ADAMTS18: variants seen among roughly 807,000 people sequenced by gnomAD.
The protein encoded by ADAMTS18 is ADAM metallopeptidase with thrombospondin type 1 motif 18, also known as A disintegrin and metalloproteinase with thrombospondin motifs 18.
In ADAMTS18, 157 loss-of-function variants were observed where a neutral mutation model predicts 165.9. The ratio of observed to expected loss-of-function variants is 0.95; its 90% confidence interval spans 0.83 to 1.08. The LOEUF (loss-of-function observed/expected upper bound fraction) is 1.08. Ranked by LOEUF, ADAMTS18 falls within the 50% of genes least tolerant of loss-of-function variation. ADAMTS18 has a pLI of 0.00. For missense variants in ADAMTS18, 2,040 were observed against 1,534.0 expected, an observed-to-expected ratio of 1.33 and a Z score of -5.51; for synonymous variants, 782 against 578.2, an observed-to-expected ratio of 1.35 and a Z score of -5.06.
chr16:77,347,935 C>G (rs1403106412), intron 10 of ADAMTS18, among the ~76,000 whole-genome samples: 1 of 151,954 alleles, frequency 6.6e-6, no homozygotes, highest in Non-Finnish European at 1.5e-5. Context: ...ATAGCACATC[C>G]CCCAAAGATA....
At chr16:77,317,686 C>T (rs2055912451) in intron 16 of ADAMTS18, among the ~76,000 whole-genome samples, 2 of 152,286 alleles carry the variant, frequency 1.3e-5, no homozygotes, top group Non-Finnish European at 2.9e-5. Context: ...CATCTAATTT[C>T]ACCCACCATA....
chr16:77,302,848 T>G (rs190123126), intron 16 of ADAMTS18, among the ~76,000 whole-genome samples: 3 of 152,276 alleles, frequency 2.0e-5, no homozygotes, highest in Admixed American at 2.0e-4. Context: ...CATTTTTAAA[T>G]GTTGCTGTGA....
chr16:77,423,890 G>C (rs2057636575), intron 3 of ADAMTS18, among the ~76,000 whole-genome samples: 1 of 152,146 alleles, frequency 6.6e-6, no homozygotes. Context: ...AGACAGGGAT[G>C]GTAGCTGGTA....
chr16:77,297,161 A>G (rs905105649), intron 18 of ADAMTS18, 128 bp downstream of exon 18: 50 of 1,367,032 alleles, frequency 3.7e-5, no homozygotes, highest in Non-Finnish European at 5.0e-5. Context: ...ATTACTTTTT[A>G]AAGTATTGCG....
At chr16:77,342,866 C>A (rs2056419750) in intron 10 of ADAMTS18, among the ~76,000 whole-genome samples, 1 of 152,004 alleles carries the variant, frequency 6.6e-6, no homozygotes, top group South Asian at 2.1e-4. Context: ...TCACAAGAGT[C>A]CTTATATGGG....
intron 3 of ADAMTS18, among the ~76,000 whole-genome samples, chr16:77,415,328 A>G (rs2057516418): frequency 6.6e-6 from 1 of 152,212 alleles, no homozygotes; most frequent in Admixed American, 6.5e-5. Flanking sequence ...TCAAAATGTC[A>G]GAAATGAAAG....
intron 3 of ADAMTS18, among the ~76,000 whole-genome samples, chr16:77,400,818 C>G (rs1017983370): frequency 2.0e-5 from 3 of 152,062 alleles, no homozygotes; most frequent in African/African-American, 7.2e-5. Context: ...ACAGTGCCCT[C>G]AGAAGAATCC....
intron 10 of ADAMTS18, among the ~76,000 whole-genome samples, chr16:77,343,625 C>T: frequency 6.6e-6 from 1 of 152,252 alleles, no homozygotes; most frequent in South Asian, 2.1e-4. Context: ...TCAAGCTGGC[C>T]TGATTTCTGA....
chr16:77,289,603 A>T, intron 21 of ADAMTS18, 192 bp from the exon 22 acceptor site: 1 of 669,926 alleles, frequency 1.5e-6, no homozygotes, highest in Non-Finnish European at 2.5e-6. Context: ...TCTGATTAGA[A>T]GGGTTTTAGG....
intron 16 of ADAMTS18, 22 bp downstream of exon 16, chr16:77,319,827 T>C (rs1304499511): frequency 1.9e-6 from 3 of 1,613,766 alleles, no homozygotes; most frequent in Non-Finnish European, 2.5e-6. Context: ...CACTGAGAAC[T>C]GAATACACAG....
chr16:77,313,867 AG>A (rs1179636088), intron 16 of ADAMTS18, among the ~76,000 whole-genome samples: 3 of 152,236 alleles, frequency 2.0e-5, no homozygotes, highest in Non-Finnish European at 2.9e-5. Flanking sequence ...TTAGTAGAAA[AG>A]AAACAGGTAA....
In ADAMTS18 at chr16:77,414,904, T is replaced by C. The variant is rs150476142; in HGVS notation, c.495+16391A>G. On this transcript the variant is annotated intron_variant, in intron 3 of 22. Transcript: ENST00000282849. ...GTGAAGTCATCCTCTAAGCCAACCATGAAGCCTCTGTCTCCCTCCAACTGC... is the reference window on the plus strand; with the variant it reads ...GTGAAGTCATCCTCTAAGCCAACCACGAAGCCTCTGTCTCCCTCCAACTGC... Among the ~76,000 whole-genome samples the C allele has an allele frequency of 3.4e-3, 511 of 152,320 alleles. 2 individuals carry two copies. The highest frequency in any genetic ancestry group is 0.012 in the African/African-American group (487 of 41,568).
chr16:77,320,125 C>T (rs2055968341), intron 15 of ADAMTS18, 32 bp from the exon 16 acceptor site: 1 of 1,613,622 alleles, frequency 6.2e-7, no homozygotes, highest in Non-Finnish European at 8.5e-7. Flanking sequence ...TGTCTGAATT[C>T]CACCCCATGC....
In ADAMTS18 at chr16:77,322,231, T is replaced by C. The variant is rs2056013651; in HGVS notation, c.2163+105A>G. On this transcript the variant is annotated intron_variant, in intron 14 of 22. Transcript: ENST00000282849. The stretch of plus-strand genomic sequence containing the variant: ...CTTTGCTCTTTCGCTCCATGCCACC[T>C]GCTCTTCTCCAGACACACAATCTCT... 2.9e-6 allele frequency: 4 copies of C among 1,391,058 alleles called. No individual in the cohort carries two copies. In the African/African-American group the frequency reaches 4.3e-5, roughly 15 times the overall value. 86.2% of individuals were successfully genotyped at this position (1,391,058 alleles called of 1,614,324 possible).
At position 77,283,942 on chromosome 16, in the gene ADAMTS18, G is replaced by C; in HGVS notation, c.*14C>G. Reference sequence around the variant, plus strand: ...TAAGCCCCTGGCCCTAAGGTGCTGGGGAGGACACCAAGATCAGATCTTCCT... The same window carrying C: ...TAAGCCCCTGGCCCTAAGGTGCTGGCGAGGACACCAAGATCAGATCTTCCT... On this transcript the variant is annotated 3_prime_UTR_variant, in exon 23 of 23. Transcript: ENST00000282849. 3.1e-6 allele frequency: 5 copies of C among 1,604,656 alleles called. No homozygotes were observed. The highest frequency in any genetic ancestry group is 4.3e-6 in the Non-Finnish European group (5 of 1,171,660).
intron 16 of ADAMTS18, among the ~76,000 whole-genome samples, chr16:77,301,961 A>C (rs1467806309): frequency 1.3e-5 from 2 of 151,818 alleles, no homozygotes; most frequent in Non-Finnish European, 2.9e-5. Context: ...CTTGAAATCA[A>C]AGTCTTAGGA....
intron 8 of ADAMTS18, among the ~76,000 whole-genome samples, chr16:77,356,985 A>ATTT (rs4038549): frequency 2.8e-5 from 4 of 140,540 alleles, no homozygotes; most frequent in Non-Finnish European, 4.6e-5. Flanking sequence ...CTTTTCTGAA[A>ATTT]TTTTTTTTTT....
intron 11 of ADAMTS18, 76 bp downstream of exon 11, chr16:77,341,628 G>A: frequency 4.3e-6 from 5 of 1,175,736 alleles, no homozygotes; most frequent in Non-Finnish European, 6.3e-6. Context: ...TTCACCCTAA[G>A]GTCACAATAC....
At chr16:77,357,863 G>C (rs1392100919) in intron 8 of ADAMTS18, among the ~76,000 whole-genome samples, 1 of 152,106 alleles carries the variant, frequency 6.6e-6, no homozygotes, top group East Asian at 1.9e-4. Flanking sequence ...CCCAACCTCT[G>C]ACTTCTCTCC....
Sources: gnomAD v4.1 joint callset for allele counts (sites outside exome capture counted in the v4.1 genomes callset) on GRCh38, gnomAD v4.1.1 for gene constraint, MANE v1.5 for transcripts, NCBI Gene and HGNC (gene_info 2026-07-23, HGNC 2026-07-21) for gene names.